Variants in SCAPER observed in about 807,000 individuals in gnomAD.
SCAPER encodes the protein S phase cyclin A-associated protein in the endoplasmic reticulum.
SCAPER carries 98 observed loss-of-function variants against 182.2 expected under a neutral mutation model. That is an observed-to-expected ratio of 0.54 (90% CI 0.46 to 0.64). SCAPER has a LOEUF of 0.64. Among genes scored for constraint, SCAPER ranks in the 30% least tolerant of loss-of-function variants. The pLI is 0.00. For missense variants in SCAPER, 1,432 were observed against 1,690.0 expected (o/e 0.85, Z 2.68); for synonymous variants, 605 against 564.6 (o/e 1.07, Z -1.01).
chr15:76,377,653 T>C (rs1463261719), intron 28 of SCAPER, among the ~76,000 whole-genome samples: 2 of 152,228 alleles, frequency 1.3e-5, no homozygotes, highest in African/African-American at 4.8e-5. Context: ...CATGCCAATA[T>C]GAATTCAGAG....
chr15:76,738,496 C>T (rs2061388245), intron 15 of SCAPER, among the ~76,000 whole-genome samples: 1 of 151,770 alleles, frequency 6.6e-6, no homozygotes, highest in Non-Finnish European at 1.5e-5. Flanking sequence ...CGACATCACG[C>T]CACTGCACTC....
At chr15:76,847,183 A>C (rs569415727) in intron 4 of SCAPER, among the ~76,000 whole-genome samples, 1 of 152,318 alleles carries the variant, frequency 6.6e-6, no homozygotes, top group South Asian at 2.1e-4. Flanking sequence ...GATAGTTACC[A>C]AAGTCTGGTA....
intron 17 of SCAPER, among the ~76,000 whole-genome samples, chr15:76,708,925 G>C (rs1598294335): frequency 6.6e-6 from 1 of 152,068 alleles, no homozygotes; most frequent in South Asian, 2.1e-4. Flanking sequence ...AATCAGCCAG[G>C]AGTGGTGACA....
At chr15:76,426,672 G>T (rs371936111) in intron 26 of SCAPER, among the ~76,000 whole-genome samples, 11 of 151,854 alleles carry the variant, frequency 7.2e-5, no homozygotes, top group African/African-American at 2.7e-4. Flanking sequence ...TGCAATCTCT[G>T]TCGGAATACC....
At chr15:76,572,164 A>C (rs1038140383) in intron 23 of SCAPER, among the ~76,000 whole-genome samples, 1 of 152,172 alleles carries the variant, frequency 6.6e-6, no homozygotes, top group African/African-American at 2.4e-5. Context: ...TTTCATACTG[A>C]ATACTTTCTT....
chr15:76,492,949 C>A (rs2052470965), intron 24 of SCAPER, among the ~76,000 whole-genome samples: 1 of 141,730 alleles, frequency 7.1e-6, no homozygotes, highest in South Asian at 2.4e-4. Context: ...GGGAAAATTT[C>A]TCCTACTGGC....
intron 17 of SCAPER, among the ~76,000 whole-genome samples, chr15:76,728,268 C>G (rs2060711323): frequency 6.6e-6 from 1 of 151,252 alleles, no homozygotes; most frequent in African/African-American, 2.4e-5. Flanking sequence ...TCTAGACTTT[C>G]ATGTCTGACA....
At chr15:76,429,429 G>A (rs1357567130) in intron 26 of SCAPER, among the ~76,000 whole-genome samples, 15 of 152,212 alleles carry the variant, frequency 9.9e-5, no homozygotes, top group Admixed American at 9.8e-4. Flanking sequence ...AACTTCTTAA[G>A]AGACTTGTTG....
At chr15:76,899,960 G>A (rs539303768) in intron 1 of SCAPER, among the ~76,000 whole-genome samples, 21 of 152,350 alleles carry the variant, frequency 1.4e-4, no homozygotes, top group Admixed American at 3.3e-4. Flanking sequence ...GTAGAAAGAA[G>A]TAGACATAGG....
At chr15:76,712,444 C>T (rs898212425) in intron 17 of SCAPER, among the ~76,000 whole-genome samples, 2 of 152,054 alleles carry the variant, frequency 1.3e-5, no homozygotes, top group African/African-American at 4.8e-5. Flanking sequence ...TCCATATGAA[C>T]TTTAAAGTAG....
chr15:76,857,887 G>A lies in SCAPER; in HGVS notation c.125-8C>T. 1 of 1,534,994 alleles carries A rather than the reference G, an allele frequency of 6.5e-7. No homozygotes were observed. Among genetic ancestry groups the A allele is most frequent in the Admixed American group, 2.0e-5 (1 of 50,336 alleles). On this transcript the variant is annotated splice_polypyrimidine_tract_variant and splice_region_variant and intron_variant, in intron 3 of 31. Coordinates refer to ENST00000563290, the MANE Select transcript of SCAPER (RefSeq NM_020843.4). ...TTTGACATTTAGGTTTTCCTTCAAG[G>A]CAAGAAAAAAATAAATATGTAGATA... is the stretch of plus-strand genomic sequence containing the variant.
intron 6 of SCAPER, among the ~76,000 whole-genome samples, chr15:76,802,853 C>T (rs2065894738): frequency 6.6e-6 from 1 of 152,102 alleles, no homozygotes; most frequent in Non-Finnish European, 1.5e-5. Flanking sequence ...GGCAAGTTTA[C>T]CAGAGTTTAG....
intron 4 of SCAPER, among the ~76,000 whole-genome samples, chr15:76,845,485 A>G (rs1392035096): frequency 6.6e-6 from 1 of 152,178 alleles, no homozygotes; most frequent in Non-Finnish European, 1.5e-5. Flanking sequence ...ACCAAAAACT[A>G]TTAGAACTGA....
chr15:76,660,951 A>C (rs1567729032), intron 21 of SCAPER, among the ~76,000 whole-genome samples: 1 of 152,162 alleles, frequency 6.6e-6, no homozygotes, highest in Non-Finnish European at 1.5e-5. Context: ...AATGAAAACA[A>C]AATAACGTTT....
intron 8 of SCAPER, among the ~76,000 whole-genome samples, chr15:76,781,441 T>C (rs574854991): frequency 7.9e-5 from 12 of 152,012 alleles, no homozygotes; most frequent in South Asian, 2.1e-4. Context: ...ATGGGGAGAA[T>C]GGAACCAAGT....
intron 25 of SCAPER, among the ~76,000 whole-genome samples, chr15:76,458,692 A>G (rs915721972): frequency 6.6e-6 from 1 of 152,104 alleles, no homozygotes; most frequent in African/African-American, 2.4e-5. Context: ...CCTGTCTTCC[A>G]GCTATTTTGA....
intron 21 of SCAPER, among the ~76,000 whole-genome samples, chr15:76,649,653 GA>G (rs935945302): frequency 5.5e-5 from 8 of 145,470 alleles, no homozygotes; most frequent in African/African-American, 2.0e-4. Flanking sequence ...CAGTAAAAAA[GA>G]AAAAAAGGAA....
chr15:76,560,368 A>C (rs1167888060), intron 23 of SCAPER, among the ~76,000 whole-genome samples: 1 of 152,232 alleles, frequency 6.6e-6, no homozygotes, highest in African/African-American at 2.4e-5. Context: ...GTAACTAGAA[A>C]GCCTGTGCTC....
Position 76,588,804 on chromosome 15 carries a change from G to T in SCAPER, c.2712-14520C>A, listed in dbSNP as rs751849311. 6.2e-4 allele frequency among the ~76,000 whole-genome samples: 95 copies of T among 152,094 alleles called. 1 individual carries two copies. Among genetic ancestry groups the T allele is most frequent in the Non-Finnish European group, 1.0e-3 (69 of 68,022 alleles). On this transcript the variant is annotated intron_variant, in intron 22 of 31. Transcript: ENST00000563290. ...GTGGCTAGTGTGATTTTTGGGGGGGGTGTTAAAGAACCTTGTTTTGCCATA... is the reference window on the plus strand; with the variant it reads ...GTGGCTAGTGTGATTTTTGGGGGGGTTGTTAAAGAACCTTGTTTTGCCATA...
Sources: allele counts gnomAD v4.1 joint callset (sites outside exome capture counted in the v4.1 genomes callset), GRCh38; gene constraint gnomAD v4.1.1; transcripts MANE v1.5; gene names NCBI Gene and HGNC (gene_info 2026-07-23, HGNC 2026-07-21).